The following NRCAM variants were observed in gnomAD, a reference collection of about 807,000 sequenced individuals.
The protein encoded by NRCAM is NgCAM-related cell adhesion molecule.
A neutral mutation model predicts 156.5 loss-of-function variants in NRCAM; 83 were observed. The ratio of observed to expected loss-of-function variants is 0.53; its 90% CI spans 0.44 to 0.64. The LOEUF (loss-of-function observed/expected upper bound fraction) is 0.64. NRCAM is among the 30% of genes least tolerant of loss of function. The pLI is 0.00. For synonymous variants in NRCAM, 538 were observed against 563.9 expected (o/e 0.95, Z 0.65); for missense variants, 1,417 against 1,597.3 (o/e 0.89, Z 1.92).
chr7:108,180,381 T>C lies in NRCAM; in HGVS notation c.2693A>G (p.His898Arg). 1.9e-6 allele frequency: 3 copies of C among 1,614,258 alleles called. No homozygotes were observed. The highest frequency in any genetic ancestry group is 2.5e-6 in the Non-Finnish European group (3 of 1,180,042). The change falls in exon 25 of 33, where the codon CAC becomes CGC. Residue 898 changes from histidine to arginine, a missense_variant. Physicochemically the swap from His to Arg is conservative, Grantham distance 29. Coordinates refer to ENST00000379028, the MANE Select transcript of NRCAM (RefSeq NM_001037132.4). ...GAAGGTGAGGATCTTTTTCTCAATG[T>C]GACGTCTGTTTCTTTTAGATGAACT... ...TQSSSKRNRR[H>R]IEKKILTFQG... is the part of the protein sequence containing the mutation.
chr7:108,403,737 G>A (rs1175006977), intron 1 of NRCAM, among the ~76,000 whole-genome samples: 1 of 152,172 alleles, frequency 6.6e-6, no homozygotes. Flanking sequence ...AATTACCTGT[G>A]CAGTCAACCA....
intron 2 of NRCAM, among the ~76,000 whole-genome samples, chr7:108,359,886 G>A (rs2099536988): frequency 6.6e-6 from 1 of 152,114 alleles, no homozygotes; most frequent in African/African-American, 2.4e-5. Context: ...ATTCTCCAGT[G>A]GCAACCGAGG....
intron 1 of NRCAM, among the ~76,000 whole-genome samples, chr7:108,450,981 G>A (rs1348109021): frequency 1.3e-5 from 2 of 152,164 alleles, no homozygotes; most frequent in African/African-American, 2.4e-5. Flanking sequence ...CACTTTGGGA[G>A]GCCAAGGTGG....
At chr7:108,158,282 T>C (rs1384582909) in intron 32 of NRCAM, among the ~76,000 whole-genome samples, 1 of 152,142 alleles carries the variant, frequency 6.6e-6, no homozygotes, top group Non-Finnish European at 1.5e-5. Context: ...TTTGAAACCA[T>C]AGTTATCTCT....
At chr7:108,200,527 G>A (rs425013) in intron 13 of NRCAM, among the ~76,000 whole-genome samples, 100,227 of 151,984 alleles carry the variant, frequency 0.66, 34,275 homozygotes, top group East Asian at 0.87. Context: ...GACTCACACA[G>A]TCTCAGTGAT....
intron 2 of NRCAM, among the ~76,000 whole-genome samples, chr7:108,397,978 G>A (rs1363616214): frequency 4.6e-5 from 7 of 152,216 alleles, no homozygotes; most frequent in Admixed American, 4.6e-4. Flanking sequence ...AATGTGGTAA[G>A]TTGTGCTTTC....
At chr7:108,279,067 C>T (rs1188607199) in intron 3 of NRCAM, among the ~76,000 whole-genome samples, 1 of 152,190 alleles carries the variant, frequency 6.6e-6, no homozygotes, top group Non-Finnish European at 1.5e-5. Context: ...TTAGAAGGCA[C>T]TCTTTCCATT....
intron 2 of NRCAM, among the ~76,000 whole-genome samples, chr7:108,385,890 G>A (rs962953324): frequency 1.1e-4 from 15 of 137,942 alleles, no homozygotes; most frequent in African/African-American, 3.6e-4. Flanking sequence ...ACACCTATCT[G>A]TCTGTCTATG....
intron 12 of NRCAM, 102 bp from the exon 13 acceptor site, chr7:108,207,761 CTAAAT>C (rs2081944041): frequency 1.2e-6 from 1 of 845,872 alleles, no homozygotes; most frequent in Non-Finnish European, 1.7e-6. Context: ...GTACTTCACA[CTAAAT>C]TAGTCTCATT....
chr7:108,222,668 G>C (rs541668346), intron 11 of NRCAM, among the ~76,000 whole-genome samples: 1 of 152,068 alleles, frequency 6.6e-6, no homozygotes, highest in South Asian at 2.1e-4. Context: ...TCCTGCCTCG[G>C]CCAGCGGAGG....
intron 11 of NRCAM, among the ~76,000 whole-genome samples, chr7:108,216,249 T>G (rs1311138809): frequency 6.6e-6 from 1 of 152,234 alleles, no homozygotes; most frequent in Non-Finnish European, 1.5e-5. Flanking sequence ...CCCCACTTTC[T>G]TCTGGCTTGT....
chr7:108,212,218 C>A (rs2084965993), intron 11 of NRCAM, among the ~76,000 whole-genome samples: 1 of 152,126 alleles, frequency 6.6e-6, no homozygotes, highest in African/African-American at 2.4e-5. Context: ...CAAGGGAAAA[C>A]CCCATGGGAC....
intron 7 of NRCAM, 71 bp from the exon 8 acceptor site, chr7:108,231,224 A>C: frequency 1.8e-6 from 2 of 1,130,754 alleles, no homozygotes; most frequent in Non-Finnish European, 2.5e-6. Context: ...CCTACAAATA[A>C]AGGCAAACTG....
chr7:108,162,947 T>C (rs931096827), intron 30 of NRCAM, among the ~76,000 whole-genome samples: 8 of 152,114 alleles, frequency 5.3e-5, no homozygotes, highest in Admixed American at 5.2e-4. Flanking sequence ...TTCAGGACAA[T>C]CTAAAATCAC....
At chr7:108,257,015 AAAAAGAAAAAG>A (rs2096703466) in intron 3 of NRCAM, among the ~76,000 whole-genome samples, 1 of 125,836 alleles carries the variant, frequency 7.9e-6, no homozygotes, top group Non-Finnish European at 1.7e-5. Flanking sequence ...GAAAAAAAAA[AAAAAGAAAAAG>A]AAAAAGAAAA....
chr7:108,182,997 T>C (rs2064337059), intron 22 of NRCAM, 77 bp from the exon 23 acceptor site: 1 of 1,141,012 alleles, frequency 8.8e-7, no homozygotes, highest in African/African-American at 1.5e-5. Flanking sequence ...GCAAATTCAA[T>C]TCCCAGACCT....
intron 13 of NRCAM, chr7:108,207,215 A>C (rs2081620538): frequency 4.7e-6 from 1 of 214,418 alleles, no homozygotes; most frequent in Non-Finnish European, 9.2e-6. Context: ...GTTTTGCACA[A>C]AGAAGATCAT....
intron 2 of NRCAM, among the ~76,000 whole-genome samples, chr7:108,395,270 C>A (rs1163112352): frequency 6.6e-6 from 1 of 152,114 alleles, no homozygotes; most frequent in Non-Finnish European, 1.5e-5. Context: ...AATAATAAAC[C>A]TGAATCAAGA....
At position 108,194,291 on chromosome 7, in the gene NRCAM, G is replaced by C; in HGVS notation, c.1601C>G (p.Ala534Gly). Residue 534 changes from alanine to glycine, a missense_variant, in exon 16 of 33, where the codon GCG becomes GGG. Physicochemically the swap from Ala to Gly is moderately conservative, Grantham distance 60 (BLOSUM62 0). This residue lies in a region of NRCAM where 1,238 missense variants were observed against 1,336.4 expected (regional missense o/e 0.93). Transcript: ENST00000379028. Reference protein sequence around the residue: ...TCVARNKLGMAKNEVHLEIKD... With the variant: ...TCVARNKLGMGKNEVHLEIKD... ...GATTTCTAAGTGAACTTCATTCTTCGCCATCCCTAATTTATTCCTTGCAAC... is the reference window on the plus strand; with the variant it reads ...GATTTCTAAGTGAACTTCATTCTTCCCCATCCCTAATTTATTCCTTGCAAC... The C allele has an allele frequency of 6.2e-7, 1 of 1,611,980 alleles. No individual in the cohort carries two copies. The highest frequency in any genetic ancestry group is 1.3e-5 in the African/African-American group (1 of 74,954).
Sources: allele counts gnomAD v4.1 joint callset (sites outside exome capture counted in the v4.1 genomes callset), GRCh38; gene constraint gnomAD v4.1.1; regional missense constraint gnomAD v4.1.1; transcripts MANE v1.5; gene names NCBI Gene and HGNC (gene_info 2026-07-23, HGNC 2026-07-21).